CNTNAP2: variants seen among roughly 807,000 people sequenced by gnomAD.
CNTNAP2 encodes the protein contactin-associated protein-like 2.
Under a neutral mutation model 155.2 loss-of-function variants are expected in CNTNAP2, and 98 were observed. The ratio of observed to expected loss-of-function variants is 0.63; its 90% CI spans 0.54 to 0.75. The LOEUF is 0.75. CNTNAP2 is among the 30% of genes least tolerant of loss of function. CNTNAP2 has a pLI of 0.00. For missense variants in CNTNAP2, 1,727 were observed against 1,688.1 expected (o/e 1.02, Z -0.40); for synonymous variants, 651 against 631.2 (o/e 1.03, Z -0.47).
chr7:147,591,025 A>C (rs2116843664), intron 12 of CNTNAP2, among the ~76,000 whole-genome samples: 1 of 152,280 alleles, frequency 6.6e-6, no homozygotes, highest in Non-Finnish European at 1.5e-5. Context: ...TAAATTTATC[A>C]TCTACTACAG....
At chr7:147,858,273 G>T (rs1478021577) in intron 13 of CNTNAP2, among the ~76,000 whole-genome samples, 3 of 152,026 alleles carry the variant, frequency 2.0e-5, no homozygotes, top group African/African-American at 7.2e-5. Context: ...TCTTAGTAGA[G>T]ACAGGGTTTC....
chr7:146,250,316 A>AT (rs1485048192), intron 1 of CNTNAP2, among the ~76,000 whole-genome samples: 2 of 152,232 alleles, frequency 1.3e-5, no homozygotes, highest in African/African-American at 2.4e-5. Context: ...TTTGGCCTAC[A>AT]GAAGGAACGG....
chr7:146,798,140 C>T (rs902878736), intron 2 of CNTNAP2, among the ~76,000 whole-genome samples: 5 of 151,934 alleles, frequency 3.3e-5, no homozygotes, highest in Non-Finnish European at 7.4e-5. Flanking sequence ...GGTATCCTAG[C>T]ACACGCCTGC....
intron 3 of CNTNAP2, among the ~76,000 whole-genome samples, chr7:146,866,576 C>T (rs1041737725): frequency 1.9e-4 from 29 of 152,168 alleles, no homozygotes; most frequent in East Asian, 9.7e-4. Context: ...AAAGGTATGT[C>T]CATGACTTCA....
intron 3 of CNTNAP2, among the ~76,000 whole-genome samples, chr7:146,907,816 T>A (rs1434294420): frequency 6.6e-6 from 1 of 151,906 alleles, no homozygotes. Context: ...ACTTTAAATG[T>A]AAATGGACTA....
intron 1 of CNTNAP2, among the ~76,000 whole-genome samples, chr7:146,417,411 C>T (rs776852072): frequency 6.6e-6 from 1 of 152,086 alleles, no homozygotes; most frequent in Non-Finnish European, 1.5e-5. Context: ...ATGCTAAGTA[C>T]CTCTCTGGTA....
intron 13 of CNTNAP2, among the ~76,000 whole-genome samples, chr7:147,642,965 G>A (rs1024674843): frequency 6.6e-6 from 1 of 152,160 alleles, no homozygotes; most frequent in African/African-American, 2.4e-5. Flanking sequence ...TGGGGCAGTG[G>A]TTTAAGCAGG....
intron 1 of CNTNAP2, among the ~76,000 whole-genome samples, chr7:146,309,547 A>T (rs62503478): frequency 0.11 from 17,402 of 152,134 alleles, 1,299 homozygotes; most frequent in Non-Finnish European, 0.16. Context: ...CATGCATGTA[A>T]TCCCAGCATT....
In CNTNAP2 at chr7:148,383,964, T is replaced by C; in HGVS notation, c.3715+76T>C. The C allele has an allele frequency of 3.3e-6, 5 of 1,536,918 alleles. No homozygotes were observed. The Admixed American group carries it at 9.6e-5, about 30-fold the overall frequency. On this transcript the variant is annotated intron_variant, in intron 22 of 23. Transcript: ENST00000361727. The stretch of plus-strand genomic sequence containing the variant: ...GTCTCTTGGGACTATGGAATGGATT[T>C]AATAACAGAACCTCACTGGTAATGT...
In CNTNAP2 at chr7:147,113,752, A is replaced by G. The variant is rs556712554; in HGVS notation, c.754+5402A>G. On this transcript the variant is annotated intron_variant, in intron 5 of 23. Coordinates refer to ENST00000361727, the MANE Select transcript of CNTNAP2 (RefSeq NM_014141.6). ...GGGAACACAGAGCCAGATCATATCA[A>G]CCAGCTCCAGGATTTATTGATTTTT... Among the ~76,000 whole-genome samples the G allele has an allele frequency of 4.6e-5, 7 of 152,286 alleles. No homozygotes were observed. In the East Asian group the frequency reaches 1.2e-3, roughly 25 times the overall value.
At chr7:146,624,704 C>T (rs1357704276) in intron 1 of CNTNAP2, among the ~76,000 whole-genome samples, 1 of 151,772 alleles carries the variant, frequency 6.6e-6, no homozygotes, top group Non-Finnish European at 1.5e-5. Context: ...GTAGCTATTT[C>T]ATGTCTCTTT....
chr7:147,050,833 C>G (rs898619006), intron 4 of CNTNAP2, among the ~76,000 whole-genome samples: 2 of 152,096 alleles, frequency 1.3e-5, no homozygotes, highest in Admixed American at 6.6e-5. Context: ...AAGGGTAGTT[C>G]CTTCTGGAAG....
chr7:148,123,201 T>A (rs897870405), intron 16 of CNTNAP2, among the ~76,000 whole-genome samples: 1 of 152,114 alleles, frequency 6.6e-6, no homozygotes, highest in Non-Finnish European at 1.5e-5. Context: ...GAAATAAGCA[T>A]TCAGTACCCT....
intron 1 of CNTNAP2, among the ~76,000 whole-genome samples, chr7:146,164,133 G>T (rs1392345746): frequency 1.3e-5 from 2 of 152,146 alleles, no homozygotes; most frequent in Admixed American, 1.3e-4. Context: ...TTTATTTCCA[G>T]TTGGACTTTG....
Position 147,639,286 on chromosome 7 carries a change from C to T in CNTNAP2, c.2078C>T (p.Ser693Leu). 2 of 1,614,012 alleles carry T rather than the reference C, an allele frequency of 1.2e-6. No homozygotes were observed. The highest frequency in any genetic ancestry group is 1.7e-6 in the Non-Finnish European group (2 of 1,179,968). ...EQYVSYFCKMSRLLNTPDGSP... is the reference protein window; with the variant it reads ...EQYVSYFCKMLRLLNTPDGSP... ...TATGTCTCCTATTTCTGCAAGATGT[C>T]AAGATTGTTGAACACCCCAGGTAGG... The change falls in exon 13 of 24, where the codon TCA becomes TTA. Residue 693 changes from serine (S) to leucine (L), a missense_variant. Coordinates refer to ENST00000361727, the MANE Select transcript of CNTNAP2 (RefSeq NM_014141.6).
chr7:147,070,466 C>T (rs761327666), intron 4 of CNTNAP2, among the ~76,000 whole-genome samples: 4 of 152,136 alleles, frequency 2.6e-5, no homozygotes, highest in Non-Finnish European at 4.4e-5. Context: ...AACGGATATT[C>T]GGGGAATTCT....
At chr7:146,869,454 T>A (rs117686137) in intron 3 of CNTNAP2, among the ~76,000 whole-genome samples, 79 of 152,228 alleles carry the variant, frequency 5.2e-4, no homozygotes, top group Non-Finnish European at 9.4e-4. Flanking sequence ...GGGACAGAAC[T>A]GAATAGGATG....
chr7:147,262,648 C>CA (rs902935069), intron 8 of CNTNAP2, among the ~76,000 whole-genome samples: 28 of 152,022 alleles, frequency 1.8e-4, no homozygotes, highest in South Asian at 4.2e-4. Context: ...ACTAAAAATA[C>CA]AAAAAAAATT....
intron 1 of CNTNAP2, among the ~76,000 whole-genome samples, chr7:146,296,256 C>A (rs905363382): frequency 6.6e-6 from 1 of 152,112 alleles, no homozygotes; most frequent in Non-Finnish European, 1.5e-5. Flanking sequence ...CTTTATCTCC[C>A]CATTCCATGA....
Sources: gnomAD v4.1 joint callset for allele counts (sites outside exome capture counted in the v4.1 genomes callset) on GRCh38, gnomAD v4.1.1 for gene constraint, MANE v1.5 for transcripts, NCBI Gene and HGNC (gene_info 2026-07-23, HGNC 2026-07-21) for gene names.